FLT1: variants seen among roughly 807,000 people sequenced by gnomAD.
FLT1 encodes the protein vascular endothelial growth factor receptor 1.
In FLT1, 49 loss-of-function variants were observed where a neutral mutation model predicts 156.3. The ratio of observed to expected loss-of-function variants is 0.31; its 90% CI spans 0.25 to 0.40. The LOEUF is 0.40. Ranked by LOEUF, FLT1 falls within the 10% of genes least tolerant of loss-of-function variation. The probability of loss-of-function intolerance (pLI) is 1.00; values close to 1 mark genes in which losing one functional copy is unlikely to be tolerated. For missense variants in FLT1, 1,322 were observed against 1,637.2 expected (o/e 0.81, Z 3.32); for synonymous variants, 594 against 583.8 (o/e 1.02, Z -0.25).
At chr13:28,326,647 T>G (rs1477100199) in intron 20 of FLT1, among the ~76,000 whole-genome samples, 1 of 147,026 alleles carries the variant, frequency 6.8e-6, no homozygotes, top group Non-Finnish European at 1.5e-5. Context: ...TGCCTCAGCC[T>G]CCCTAGTAGC....
At chr13:28,350,459 C>T (rs529978673) in intron 15 of FLT1, among the ~76,000 whole-genome samples, 31 of 152,180 alleles carry the variant, frequency 2.0e-4, no homozygotes, top group African/African-American at 6.3e-4. Context: ...TCTTGCCTGA[C>T]GTCTCTGCAG....
rs182413967 is a variant in FLT1 at position 28,448,603 on chromosome 13, G to A, written c.389-10258C>T. On this transcript the variant is annotated intron_variant, in intron 3 of 29. Transcript: ENST00000282397. ...AGATAAGTGGTTGTTTAGGGCTGGG[G>A]GGATAAGGGGTGATAGCTAAAGGCT... Among the ~76,000 whole-genome samples, 12 of 152,262 alleles carry A rather than the reference G, an allele frequency of 7.9e-5. 1 individual carries two copies. Among genetic ancestry groups the A allele is most frequent in the Admixed American group, 7.8e-4 (12 of 15,292 alleles).
intron 18 of FLT1, 41 bp downstream of exon 18, chr13:28,333,984 T>C: frequency 1.7e-6 from 2 of 1,205,078 alleles, no homozygotes; most frequent in Non-Finnish European, 2.5e-6. Flanking sequence ...AAATGCAAAA[T>C]GGTGATGGGT....
chr13:28,428,175 C>T (rs1877461312), intron 8 of FLT1, among the ~76,000 whole-genome samples: 2 of 152,110 alleles, frequency 1.3e-5, no homozygotes, highest in South Asian at 2.1e-4. Context: ...GCTTAGTGTG[C>T]CCACAGGCAT....
At chr13:28,457,996 G>C (rs143724873) in intron 3 of FLT1, among the ~76,000 whole-genome samples, 19 of 141,354 alleles carry the variant, frequency 1.3e-4, no homozygotes, top group African/African-American at 4.1e-4. Flanking sequence ...GTGCAGTGGC[G>C]CAATCTTGGC....
chr13:28,316,019 A>G (rs1217358125), intron 25 of FLT1, among the ~76,000 whole-genome samples: 1 of 152,196 alleles, frequency 6.6e-6, no homozygotes, highest in East Asian at 1.9e-4. Flanking sequence ...GTGTGGGAAA[A>G]CACTTAGAAA....
At position 28,377,786 on chromosome 13, in the gene FLT1, A is replaced by G. The variant is rs534495195; in HGVS notation, c.2116+7099T>C. Among the ~76,000 whole-genome samples the G allele has an allele frequency of 2.6e-5, 4 of 152,334 alleles. No individual in the cohort carries two copies. The East Asian group carries it at 7.7e-4, about 29-fold the overall frequency. On this transcript the variant is annotated intron_variant, in intron 14 of 29. Transcript: ENST00000282397. ...ATAATTTTAAACTTTATACATGTCT[A>G]GTTTTTTAAAAATGCTTTATGTGTT...
At chr13:28,338,471 G>C (rs1427326310) in intron 17 of FLT1, among the ~76,000 whole-genome samples, 1 of 152,170 alleles carries the variant, frequency 6.6e-6, no homozygotes, top group Non-Finnish European at 1.5e-5. Context: ...GCTTTGTGAC[G>C]TCTGAGCTGG....
At chr13:28,475,327 G>A (rs182853322) in intron 1 of FLT1, among the ~76,000 whole-genome samples, 136 of 151,800 alleles carry the variant, frequency 9.0e-4, no homozygotes, top group African/African-American at 2.8e-3. Context: ...TGTATATTCC[G>A]TTTATTTGAA....
intron 18 of FLT1, among the ~76,000 whole-genome samples, chr13:28,331,890 A>G (rs1258378249): frequency 2.6e-5 from 4 of 152,108 alleles, no homozygotes; most frequent in Non-Finnish European, 5.9e-5. Context: ...AAGACACTAC[A>G]CATGCAATCT....
At chr13:28,471,816 C>CTG (rs924341561) in intron 1 of FLT1, among the ~76,000 whole-genome samples, 4 of 152,156 alleles carry the variant, frequency 2.6e-5, no homozygotes, top group Non-Finnish European at 5.9e-5. Flanking sequence ...CTGTGAACTA[C>CTG]TGTTTTCATC....
At chr13:28,396,601 A>T (rs973611557) in intron 12 of FLT1, among the ~76,000 whole-genome samples, 2 of 152,186 alleles carry the variant, frequency 1.3e-5, no homozygotes, top group Non-Finnish European at 2.9e-5. Context: ...AAACGATGTC[A>T]TCATATTATA....
intron 10 of FLT1, among the ~76,000 whole-genome samples, chr13:28,406,793 A>C (rs1223066762): frequency 1.3e-5 from 2 of 152,182 alleles, no homozygotes; most frequent in Non-Finnish European, 2.9e-5. Context: ...GGCTAAGTGA[A>C]ATTTTCAAGC....
At chr13:28,438,162 A>G in intron 4 of FLT1, 59 bp downstream of exon 4, 1 of 1,568,554 alleles carries the variant, frequency 6.4e-7, no homozygotes, top group Non-Finnish European at 8.8e-7. Context: ...GAACGAGTAA[A>G]ACTTCATTAT....
At chr13:28,433,285 C>T (rs1877808758) in intron 6 of FLT1, among the ~76,000 whole-genome samples, 1 of 152,204 alleles carries the variant, frequency 6.6e-6, no homozygotes, top group African/African-American at 2.4e-5. Flanking sequence ...AGGCTTCATT[C>T]TTCTCATTTT....
rs536096233 is a variant in FLT1, at chr13:28,344,197, C to A, written c.2355+1248G>T. Among the ~76,000 whole-genome samples, 4 of 152,220 alleles carry A rather than the reference C, an allele frequency of 2.6e-5. No homozygotes were observed. In the East Asian group the frequency reaches 7.7e-4, roughly 29 times the overall value. Reference sequence around the variant, plus strand: ...CCATGGCCTACGAGACCCTGCCTGGCCAGGCCTTGCCGCTTTCCCTTCCCA... The same window carrying A: ...CCATGGCCTACGAGACCCTGCCTGGACAGGCCTTGCCGCTTTCCCTTCCCA... On this transcript the variant is annotated intron_variant, in intron 16 of 29. Coordinates refer to ENST00000282397, the MANE Select transcript of FLT1 (RefSeq NM_002019.4).
intron 14 of FLT1, among the ~76,000 whole-genome samples, chr13:28,370,837 T>C (rs901004807): frequency 2.0e-5 from 3 of 152,190 alleles, no homozygotes; most frequent in African/African-American, 7.2e-5. Context: ...CAAGGTTGGA[T>C]CCATTAGTCC....
chr13:28,413,072 C>T (rs1876411841), intron 10 of FLT1, among the ~76,000 whole-genome samples: 6 of 151,876 alleles, frequency 4.0e-5, no homozygotes, highest in Non-Finnish European at 1.5e-5. Flanking sequence ...CGCCTTGGAG[C>T]TCATACTGAA....
intron 7 of FLT1, among the ~76,000 whole-genome samples, chr13:28,430,579 G>T (rs1877623420): frequency 6.6e-6 from 1 of 152,078 alleles, no homozygotes; most frequent in Non-Finnish European, 1.5e-5. Flanking sequence ...GGAAATAAAG[G>T]CTACTGATAG....
Sources: allele counts gnomAD v4.1 joint callset (sites outside exome capture counted in the v4.1 genomes callset), GRCh38; gene constraint gnomAD v4.1.1; transcripts MANE v1.5; gene names NCBI Gene and HGNC (gene_info 2026-07-23, HGNC 2026-07-21).